CDK6: variants seen among roughly 807,000 people sequenced by gnomAD.
The protein encoded by CDK6 is cyclin-dependent kinase 6.
A neutral mutation model predicts 37.1 loss-of-function variants in CDK6; 6 were observed. The ratio of observed to expected loss-of-function variants is 0.16; its 90% CI spans 0.09 to 0.32. The LOEUF is 0.32. Among genes scored for constraint, CDK6 ranks in the 10% least tolerant of loss-of-function variants. The probability of loss-of-function intolerance (pLI) is 1.00; values close to 1 mark genes in which losing one functional copy is unlikely to be tolerated. For synonymous variants in CDK6, 160 were observed against 161.3 expected, an observed-to-expected ratio of 0.99 and a Z score of 0.06; for missense variants, 224 against 418.9, an observed-to-expected ratio of 0.53 and a Z score of 4.06.
chr7:92,752,492 T>C (rs1318872919), intron 3 of CDK6, among the ~76,000 whole-genome samples: 3 of 152,190 alleles, frequency 2.0e-5, no homozygotes, highest in Non-Finnish European at 2.9e-5. Context: ...TGTTGAAACT[T>C]TGGGACCTAA....
chr7:92,747,635 C>T (rs936420286), intron 3 of CDK6, among the ~76,000 whole-genome samples: 3 of 152,164 alleles, frequency 2.0e-5, no homozygotes, highest in African/African-American at 7.2e-5. Flanking sequence ...AAAAAAATTG[C>T]CACTTTCTTT....
At chr7:92,699,843 C>G (rs1797803053) in intron 4 of CDK6, among the ~76,000 whole-genome samples, 1 of 152,214 alleles carries the variant, frequency 6.6e-6, no homozygotes, top group African/African-American at 2.4e-5. Flanking sequence ...GATTCAAATC[C>G]TGTCTCCTCT....
rs112069004 is a variant in CDK6, at chr7:92,607,431, A to T, written c.*7709T>A. ...GCATATTTAATAAAAACAACTACAA[A>T]GTCCTTTACTTTAATTCCTTTACAT... On this transcript the variant is annotated 3_prime_UTR_variant, in exon 8 of 8. Transcript: ENST00000424848. The T allele has an allele frequency of 3.0e-5, 7 of 233,132 alleles. No homozygotes were observed. The highest frequency in any genetic ancestry group is 1.1e-4 in the African/African-American group (5 of 45,468). The allele number at this position is 233,132 out of a possible 1,614,324, so 14.4% of individuals were successfully genotyped here. A position where few individuals can be genotyped will look rare whatever the true frequency, so the allele number is the denominator to read the frequency against.
intron 4 of CDK6, among the ~76,000 whole-genome samples, chr7:92,691,073 A>T (rs1197349603): frequency 6.6e-6 from 1 of 152,224 alleles, no homozygotes; most frequent in African/African-American, 2.4e-5. Flanking sequence ...ACAAATTCTA[A>T]TTACTTATAC....
chr7:92,835,577 C>G lies in CDK6; in HGVS notation c.-368+901G>C, dbSNP rs1382354224. On this transcript the variant is annotated intron_variant, in intron 1 of 7. Transcript: ENST00000424848. The surrounding 1 kb of genome is among the most constrained non-coding windows in gnomAD (Gnocchi z 4.2). ...GTGCTTCAACATTTCCGCATTCCTC[C>G]GCGACTACAAAGGCTGCAGCCGCCT... is the stretch of plus-strand genomic sequence containing the variant. Among the ~76,000 whole-genome samples the G allele has an allele frequency of 6.6e-6, 1 of 152,218 alleles. No individual in the cohort carries two copies. The highest frequency in any genetic ancestry group is 1.5e-5 in the Non-Finnish European group (1 of 68,040).
intron 2 of CDK6, among the ~76,000 whole-genome samples, chr7:92,803,122 T>G (rs184150399): frequency 6.6e-6 from 1 of 152,350 alleles, no homozygotes; most frequent in Non-Finnish European, 1.5e-5. Flanking sequence ...TTTGTACATA[T>G]CATTTCAATG....
At chr7:92,616,125 A>G (rs1688791655) in intron 7 of CDK6, among the ~76,000 whole-genome samples, 1 of 152,110 alleles carries the variant, frequency 6.6e-6, no homozygotes, top group South Asian at 2.1e-4. Flanking sequence ...CAGGGAAGCC[A>G]CACTGGCTTC....
rs114479448 is a variant in CDK6 at position 92,710,797 on chromosome 7, G to A, written c.537+14829C>T. 694 of 985,360 alleles carry A rather than the reference G, an allele frequency of 7.0e-4. 5 individuals are homozygous for A. The African/African-American group carries it at 0.012, about 16-fold the overall frequency. 61.0% of individuals were successfully genotyped at this position (985,360 alleles called of 1,614,324 possible). Reference sequence around the variant, plus strand: ...AGAGGTGGGGAAAAGCAGAGATGAGGGCTGATACTCAGAGGAGACCCGGGC... The same window carrying A: ...AGAGGTGGGGAAAAGCAGAGATGAGAGCTGATACTCAGAGGAGACCCGGGC... On this transcript the variant is annotated intron_variant, in intron 4 of 7. Transcript: ENST00000424848.
At chr7:92,720,438 T>C (rs1036550387) in intron 4 of CDK6, among the ~76,000 whole-genome samples, 55 of 152,330 alleles carry the variant, frequency 3.6e-4, no homozygotes, top group African/African-American at 1.2e-3. Context: ...CACTGCCTGT[T>C]TGAATGGCAG....
chr7:92,723,476 C>G (rs972903895), intron 4 of CDK6, among the ~76,000 whole-genome samples: 1 of 152,084 alleles, frequency 6.6e-6, no homozygotes, highest in Non-Finnish European at 1.5e-5. Flanking sequence ...ACTAAAAATA[C>G]ATACCAGTTC....
chr7:92,787,066 C>G (rs1190399179), intron 2 of CDK6, among the ~76,000 whole-genome samples: 1 of 151,610 alleles, frequency 6.6e-6, no homozygotes, highest in East Asian at 1.9e-4. Context: ...TCTGTAATCT[C>G]AGCTACTCAG....
rs3802075 is a variant in CDK6 at position 92,761,508 on chromosome 7, T to C, written c.369+13188A>G. Among the ~76,000 whole-genome samples the C allele has an allele frequency of 2.5e-4, 38 of 152,286 alleles. No homozygotes were observed. The East Asian group carries it at 7.1e-3, about 29-fold the overall frequency. ...ATTTCCTGCTGTACAAAGGGTTACC[T>C]CTGAACAGTATCTCCATTATTTCAC... is the stretch of plus-strand genomic sequence containing the variant. On this transcript the variant is annotated intron_variant, in intron 3 of 7. Coordinates refer to ENST00000424848, the MANE Select transcript of CDK6 (RefSeq NM_001145306.2).
chr7:92,673,784 T>G (rs898240881), intron 4 of CDK6, among the ~76,000 whole-genome samples: 2 of 152,058 alleles, frequency 1.3e-5, no homozygotes, highest in Admixed American at 6.5e-5. Flanking sequence ...CTTCCTTTTT[T>G]TTTTTCTTTT....
rs1198162086 is a variant in CDK6 at position 92,774,833 on chromosome 7, T to A, written c.234-2A>T. On this transcript the variant is annotated splice_acceptor_variant, in intron 2 of 7. Coordinates refer to ENST00000424848, the MANE Select transcript of CDK6 (RefSeq NM_001145306.2). LOFTEE classifies it high-confidence loss of function. ...GACACTGTGCACACATCAAACAACCTAGAAGAAAAAACAAAGAGGTTAAGT... is the reference window on the plus strand; with the variant it reads ...GACACTGTGCACACATCAAACAACCAAGAAGAAAAAACAAAGAGGTTAAGT... 1 of 1,604,358 alleles carries A rather than the reference T, an allele frequency of 6.2e-7. No homozygotes were observed. The highest frequency in any genetic ancestry group is 8.5e-7 in the Non-Finnish European group (1 of 1,176,812).
chr7:92,774,964 T>G, intron 2 of CDK6, 133 bp from the exon 3 acceptor site: 1 of 749,160 alleles, frequency 1.3e-6, no homozygotes, highest in South Asian at 1.9e-5. Context: ...TGTGATCATA[T>G]GTAAAGATAT....
At chr7:92,732,661 A>T (rs1253749524) in intron 3 of CDK6, among the ~76,000 whole-genome samples, 1 of 152,222 alleles carries the variant, frequency 6.6e-6, no homozygotes, top group African/African-American at 2.4e-5. Flanking sequence ...CAATGAAGGC[A>T]ATCACATTTC....
intron 2 of CDK6, among the ~76,000 whole-genome samples, chr7:92,802,637 C>G (rs1800611158): frequency 6.6e-6 from 1 of 152,136 alleles, no homozygotes; most frequent in Non-Finnish European, 1.5e-5. Context: ...GCTGCAGTTC[C>G]CACCGTTTAG....
chr7:92,661,807 G>A (rs1796840123), intron 5 of CDK6, among the ~76,000 whole-genome samples: 2 of 152,278 alleles, frequency 1.3e-5, no homozygotes, highest in East Asian at 3.9e-4. Context: ...CTGTATATAA[G>A]TGGACCTGTG....
chr7:92,680,286 G>C (rs938815939), intron 4 of CDK6, among the ~76,000 whole-genome samples: 13 of 150,658 alleles, frequency 8.6e-5, no homozygotes, highest in African/African-American at 3.2e-4. Flanking sequence ...TACAAAATTA[G>C]TCGGGCATGG....
Sources: gnomAD v4.1 joint callset for allele counts (sites outside exome capture counted in the v4.1 genomes callset) on GRCh38, gnomAD v4.1.1 for gene constraint, Gnocchi (gnomAD v3.1) non-coding constraint, MANE v1.5 for transcripts, NCBI Gene and HGNC (gene_info 2026-07-23, HGNC 2026-07-21) for gene names.